STXBP5: variants seen among roughly 807,000 people sequenced by gnomAD.
STXBP5 encodes the protein syntaxin binding protein 5.
In STXBP5, 50 loss-of-function variants were observed where a neutral mutation model predicts 152.4. That is an observed-to-expected ratio of 0.33 (90% CI 0.26 to 0.42). STXBP5 has a LOEUF of 0.42. Ranked by LOEUF, STXBP5 falls within the 10% of genes least tolerant of loss-of-function variation. The probability of loss-of-function intolerance (pLI) is 1.00; values close to 1 mark genes in which losing one functional copy is unlikely to be tolerated. For missense variants in STXBP5, 1,167 were observed against 1,388.6 expected (o/e 0.84, Z 2.54); for synonymous variants, 492 against 494.7 (o/e 0.99, Z 0.07).
chr6:147,234,060 C>T (rs908205903), intron 2 of STXBP5, among the ~76,000 whole-genome samples: 1 of 151,454 alleles, frequency 6.6e-6, no homozygotes, highest in African/African-American at 2.4e-5. Context: ...AGGAAGAAAT[C>T]ATAGCCAATA....
chr6:147,369,307 T>C (rs1785438149), intron 25 of STXBP5, among the ~76,000 whole-genome samples: 1 of 151,992 alleles, frequency 6.6e-6, no homozygotes, highest in Non-Finnish European at 1.5e-5. Context: ...TCACACCATA[T>C]ACCAAAATTT....
intron 25 of STXBP5, among the ~76,000 whole-genome samples, chr6:147,371,573 C>A (rs2128418014): frequency 6.6e-6 from 1 of 152,170 alleles, no homozygotes; most frequent in East Asian, 1.9e-4. Flanking sequence ...GAAGCCATTT[C>A]TTTGACAGAC....
intron 6 of STXBP5, among the ~76,000 whole-genome samples, chr6:147,265,716 C>T (rs1332422953): frequency 2.0e-5 from 3 of 152,088 alleles, no homozygotes; most frequent in Middle Eastern, 3.4e-3. Context: ...GAGGCAGGAA[C>T]ATGCATTCCA....
intron 2 of STXBP5, among the ~76,000 whole-genome samples, chr6:147,206,333 GAGAT>G (rs1355396501): frequency 2.6e-5 from 4 of 152,112 alleles, no homozygotes; most frequent in Non-Finnish European, 5.9e-5. Flanking sequence ...TATTTGTAAG[GAGAT>G]AGAAGTTTCT....
intron 21 of STXBP5, among the ~76,000 whole-genome samples, chr6:147,340,644 A>C (rs1784048360): frequency 6.6e-6 from 1 of 152,100 alleles, no homozygotes. Flanking sequence ...TAAATTACCT[A>C]GGGATTTTAC....
intron 6 of STXBP5, among the ~76,000 whole-genome samples, chr6:147,265,739 T>C (rs1484338679): frequency 6.6e-6 from 1 of 152,020 alleles, no homozygotes; most frequent in Non-Finnish European, 1.5e-5. Flanking sequence ...CTGAAATAGA[T>C]GCATTTCATA....
chr6:147,324,276 T>TG (rs1221114178), intron 16 of STXBP5, among the ~76,000 whole-genome samples: 55 of 127,256 alleles, frequency 4.3e-4, no homozygotes, highest in East Asian at 1.9e-3. Context: ...TTTTTTTTTT[T>TG]TTTTTTTTTT....
rs757757114 is a variant in STXBP5, at chr6:147,363,628, C to T, written c.2839C>T (p.Arg947Cys). 1.4e-5 allele frequency: 23 copies of T among 1,614,104 alleles called. No individual in the cohort carries two copies. The highest frequency in any genetic ancestry group is 1.9e-5 in the Non-Finnish European group (23 of 1,180,014). The change falls in exon 24 of 28, where the codon CGT becomes TGT. Residue 947 changes from arginine (R) to cysteine (C), a missense_variant. Physicochemically the swap from Arg to Cys is radical, Grantham distance 180. Around this residue, in one of 3 missense-constraint regions of STXBP5, gnomAD observed 833 missense variants for 986.3 expected, o/e 0.84. Coordinates refer to ENST00000321680, the MANE Select transcript of STXBP5 (RefSeq NM_001127715.4). ...QNITETSFVLRGDIVALSNSI... is the reference protein window; with the variant it reads ...QNITETSFVLCGDIVALSNSI... Reference sequence around the variant, plus strand: ...TATTACAGAGACCTCGTTTGTGCTTCGTGGAGATATTGTAGCATTGAGTAA... The same window carrying T: ...TATTACAGAGACCTCGTTTGTGCTTTGTGGAGATATTGTAGCATTGAGTAA...
intron 2 of STXBP5, among the ~76,000 whole-genome samples, chr6:147,218,289 T>C (rs1194194501): frequency 6.6e-6 from 1 of 152,198 alleles, no homozygotes; most frequent in Admixed American, 6.5e-5. Flanking sequence ...CATTATAATA[T>C]CATACAGAAT....
intron 8 of STXBP5, among the ~76,000 whole-genome samples, chr6:147,289,759 G>A (rs527360005): frequency 6.6e-6 from 1 of 152,104 alleles, no homozygotes; most frequent in East Asian, 1.9e-4. Context: ...ATTGCTAGGG[G>A]AGGATATGGC....
chr6:147,271,150 C>T (rs1259991885), intron 7 of STXBP5, among the ~76,000 whole-genome samples: 2 of 151,784 alleles, frequency 1.3e-5, no homozygotes, highest in African/African-American at 4.8e-5. Context: ...GTTTAAGCAC[C>T]CCTTAAAAGA....
At chr6:147,282,560 A>G (rs1372169880) in intron 8 of STXBP5, among the ~76,000 whole-genome samples, 2 of 152,230 alleles carry the variant, frequency 1.3e-5, no homozygotes, top group African/African-American at 2.4e-5. Flanking sequence ...TTGGTTCCAT[A>G]TAATGACTCT....
At chr6:147,233,935 C>T (rs1778144067) in intron 2 of STXBP5, among the ~76,000 whole-genome samples, 1 of 150,442 alleles carries the variant, frequency 6.6e-6, no homozygotes, top group South Asian at 2.1e-4. Context: ...GAGTAGGATA[C>T]TATGAGCTAA....
intron 20 of STXBP5, 21 bp from the exon 21 acceptor site, chr6:147,339,316 A>C: frequency 6.6e-7 from 1 of 1,517,218 alleles, no homozygotes. Flanking sequence ...TTGACATTTT[A>C]TATCAAAATA....
In STXBP5 at chr6:147,289,097, C is replaced by G. The variant is rs550365991; in HGVS notation, c.839-1997C>G. On this transcript the variant is annotated intron_variant, in intron 8 of 27. Transcript: ENST00000321680. Reference sequence around the variant, plus strand: ...GTTGCGTCTCCCTGGCGCTTGCATTCAGTTAACACTTTAGTGCAGCAGGTG... The same window carrying G: ...GTTGCGTCTCCCTGGCGCTTGCATTGAGTTAACACTTTAGTGCAGCAGGTG... Among the ~76,000 whole-genome samples the G allele has an allele frequency of 3.3e-5, 5 of 152,330 alleles. No homozygotes were observed. In the East Asian group the frequency reaches 7.7e-4, roughly 24 times the overall value.
chr6:147,299,217 T>G lies in STXBP5; in HGVS notation c.917+8045T>G, dbSNP rs181144398. 1.1e-4 allele frequency among the ~76,000 whole-genome samples: 17 copies of G among 150,442 alleles called. No homozygotes were observed. The East Asian group carries it at 3.2e-3, about 28-fold the overall frequency. On this transcript the variant is annotated intron_variant, in intron 9 of 27. Transcript: ENST00000321680. ...TAGAAACGATCACAAGAAACTATGA[T>G]GAATAATTATATGCCAACAAATTGA...
chr6:147,296,897 T>G (rs1781553791), intron 9 of STXBP5, among the ~76,000 whole-genome samples: 1 of 152,078 alleles, frequency 6.6e-6, no homozygotes, highest in African/African-American at 2.4e-5. Flanking sequence ...GCAGGTCTTT[T>G]GAAATAATCC....
At chr6:147,234,536 G>T (rs1338637686) in intron 2 of STXBP5, among the ~76,000 whole-genome samples, 1 of 151,792 alleles carries the variant, frequency 6.6e-6, no homozygotes, top group Non-Finnish European at 1.5e-5. Flanking sequence ...TGTTTAAGTG[G>T]GGGAAAATAA....
In STXBP5 at chr6:147,389,297, C is replaced by T. The variant is rs756715602; in HGVS notation, c.*4542C>T. 2 of 150,968 alleles carry T rather than the reference C, an allele frequency of 1.3e-5. No homozygotes were observed. The highest frequency in any genetic ancestry group is 2.4e-5 in the African/African-American group (1 of 41,216). The allele number at this position is 150,968 out of a possible 1,614,324, so 9.4% of individuals were successfully genotyped here. A position where few individuals can be genotyped will look rare whatever the true frequency, so the allele number is the denominator to read the frequency against. On this transcript the variant is annotated 3_prime_UTR_variant, in exon 28 of 28. Coordinates refer to ENST00000321680, the MANE Select transcript of STXBP5 (RefSeq NM_001127715.4). ...AAACAGTTGTTGCAACCAAAAACAA[C>T]CAAAAAAAGAAAAAAAGGGAAAACT...
Sources: allele counts gnomAD v4.1 joint callset (sites outside exome capture counted in the v4.1 genomes callset), GRCh38; gene constraint gnomAD v4.1.1; regional missense constraint gnomAD v4.1.1; transcripts MANE v1.5; gene names NCBI Gene and HGNC (gene_info 2026-07-23, HGNC 2026-07-21).